Variants in GRM1 observed in about 807,000 individuals in gnomAD.
GRM1 encodes metabotropic glutamate receptor 1.
A neutral mutation model predicts 90.9 loss-of-function variants in GRM1; 33 were observed. The observed-to-expected ratio is 0.36, with a 90% CI of 0.28 to 0.49. The LOEUF is 0.49. Ranked by LOEUF, GRM1 falls within the 20% of genes least tolerant of loss-of-function variation. The pLI is 0.99. For missense variants in GRM1, 1,190 were observed against 1,534.3 expected, an observed-to-expected ratio of 0.78 and a Z score of 3.75; for synonymous variants, 700 against 613.2, an observed-to-expected ratio of 1.14 and a Z score of -2.09.
intron 2 of GRM1, among the ~76,000 whole-genome samples, chr6:146,289,807 G>T (rs189613278): frequency 4.1e-4 from 62 of 152,208 alleles, no homozygotes; most frequent in African/African-American, 1.4e-3. Flanking sequence ...AGATTTATAT[G>T]CTGGTAACAA....
At chr6:146,280,123 G>A (rs1158827959) in intron 2 of GRM1, among the ~76,000 whole-genome samples, 1 of 151,732 alleles carries the variant, frequency 6.6e-6, no homozygotes, top group Non-Finnish European at 1.5e-5. Flanking sequence ...CTTCAATTAT[G>A]TGCACATTTC....
At position 146,064,790 on chromosome 6, in the gene GRM1, C is replaced by CA. The variant is rs1243017242; in HGVS notation, c.700+34590dup. Among the ~76,000 whole-genome samples the CA allele has an allele frequency of 9.6e-3, 782 of 81,834 alleles. 4 individuals carry two copies. The highest frequency in any genetic ancestry group is 0.027 in the African/African-American group (589 of 21,894). The allele number at this position is 81,834 out of a possible 152,430, so 53.7% of individuals were successfully genotyped here. On this transcript the variant is annotated intron_variant, in intron 1 of 7. Transcript: ENST00000282753. Reference sequence around the variant, plus strand: ...TGGGTGACAGAGTGAGACTCAGTCTCAAAAAAAAAAAAAAAAATTTTGTTC... The same window carrying CA: ...TGGGTGACAGAGTGAGACTCAGTCTCAAAAAAAAAAAAAAAAAATTTTGTTC...
intron 2 of GRM1, among the ~76,000 whole-genome samples, chr6:146,259,276 G>T (rs1265664188): frequency 6.6e-6 from 1 of 151,994 alleles, no homozygotes. Context: ...TCCTCTCTCA[G>T]TGCTTATCAC....
chr6:146,350,719 C>G (rs1362309346), intron 3 of GRM1, among the ~76,000 whole-genome samples: 1 of 152,182 alleles, frequency 6.6e-6, no homozygotes, highest in African/African-American at 2.4e-5. Flanking sequence ...GAAGGAGGAT[C>G]TTTTCTTTCT....
At chr6:146,169,472 T>C (rs1778022824) in intron 2 of GRM1, among the ~76,000 whole-genome samples, 1 of 152,170 alleles carries the variant, frequency 6.6e-6, no homozygotes, top group Non-Finnish European at 1.5e-5. Flanking sequence ...AGTGAGTCTT[T>C]CTCCCGCCTT....
Position 146,399,183 on chromosome 6 carries a change from G to C in GRM1, c.2144G>C (p.Ser715Thr). Residue 715 changes from serine to threonine, a missense_variant, in exon 7 of 8, where the codon AGT becomes ACT. Physicochemically the swap from Ser to Thr is moderately conservative, Grantham distance 58 (BLOSUM62 1). Coordinates refer to ENST00000282753, the MANE Select transcript of GRM1 (RefSeq NM_001278064.2). This position sits in a 1 kb window ranked among gnomAD's most constrained non-coding sequence, Gnocchi z 5.4. Reference sequence around the variant, plus strand: ...GTGATCATTGCCTCAATTCTGATTAGTGTGCAACTAACCCTGGTGGTAACC... The same window carrying C: ...GTGATCATTGCCTCAATTCTGATTACTGTGCAACTAACCCTGGTGGTAACC... ...AQVIIASILISVQLTLVVTLI... is the reference protein window; with the variant it reads ...AQVIIASILITVQLTLVVTLI... 6.2e-7 allele frequency: 1 copy of C among 1,614,106 alleles called. No homozygotes were observed. Among genetic ancestry groups the C allele is most frequent in the Non-Finnish European group, 8.5e-7 (1 of 1,180,034 alleles).
chr6:146,287,608 G>T (rs567677484), intron 2 of GRM1, among the ~76,000 whole-genome samples: 43 of 152,250 alleles, frequency 2.8e-4, no homozygotes, highest in Non-Finnish European at 2.2e-4. Context: ...AACAGGATGT[G>T]CCAGTCCCTT....
intron 2 of GRM1, among the ~76,000 whole-genome samples, chr6:146,207,454 G>A (rs1260212057): frequency 6.6e-6 from 1 of 151,978 alleles, no homozygotes; most frequent in Non-Finnish European, 1.5e-5. Context: ...TTTTTCTCTT[G>A]TAAATTTGTT....
intron 1 of GRM1, among the ~76,000 whole-genome samples, chr6:146,059,622 T>A (rs560898593): frequency 6.6e-6 from 1 of 152,262 alleles, no homozygotes; most frequent in African/African-American, 2.4e-5. Flanking sequence ...CATCGACTTC[T>A]CCTTTCTAGC....
chr6:146,378,297 A>C (rs941850092), intron 5 of GRM1, among the ~76,000 whole-genome samples: 1 of 152,126 alleles, frequency 6.6e-6, no homozygotes, highest in Non-Finnish European at 1.5e-5. Context: ...AGAATGATAG[A>C]TCTATTCCAC....
intron 3 of GRM1, among the ~76,000 whole-genome samples, chr6:146,316,954 C>T (rs1306247168): frequency 6.6e-6 from 1 of 152,068 alleles, no homozygotes; most frequent in East Asian, 1.9e-4. Context: ...ATGTAGTTTC[C>T]TTTTTAACTA....
At chr6:146,280,587 C>T (rs1782531102) in intron 2 of GRM1, among the ~76,000 whole-genome samples, 1 of 152,032 alleles carries the variant, frequency 6.6e-6, no homozygotes, top group African/African-American at 2.4e-5. Flanking sequence ...TGGATTGTAT[C>T]CCCTTTCTCT....
chr6:146,167,983 A>T, intron 2 of GRM1, among the ~76,000 whole-genome samples: 1 of 151,992 alleles, frequency 6.6e-6, no homozygotes, highest in East Asian at 1.9e-4. Context: ...CATTTTTCTA[A>T]AAGTTTTATA....
intron 7 of GRM1, among the ~76,000 whole-genome samples, chr6:146,417,654 G>A (rs533351936): frequency 4.7e-4 from 72 of 152,214 alleles, no homozygotes; most frequent in African/African-American, 1.7e-3. Context: ...CTAATATTGA[G>A]GTTAGTGCTA....
intron 1 of GRM1, among the ~76,000 whole-genome samples, chr6:146,133,252 G>A (rs1011289606): frequency 5.9e-5 from 9 of 152,312 alleles, no homozygotes; most frequent in East Asian, 1.9e-4. Flanking sequence ...CATTACAGCC[G>A]AATTTGTCTA....
intron 1 of GRM1, among the ~76,000 whole-genome samples, chr6:146,049,499 T>C (rs1791446821): frequency 6.6e-6 from 1 of 152,002 alleles, no homozygotes; most frequent in African/African-American, 2.4e-5. Context: ...CTGAGGGTTA[T>C]GCTATCATCA....
At chr6:146,397,378 G>A (rs1195446912) in intron 6 of GRM1, among the ~76,000 whole-genome samples, 1 of 150,438 alleles carries the variant, frequency 6.6e-6, no homozygotes, top group Non-Finnish European at 1.5e-5. Context: ...GGAGACTGAG[G>A]CAGGAGAATG....
chr6:146,146,144 C>T (rs571009130), intron 1 of GRM1, among the ~76,000 whole-genome samples: 38 of 47,522 alleles, frequency 8.0e-4, no homozygotes, highest in Admixed American at 5.9e-3. Flanking sequence ...TTTTTTGAGA[C>T]GTGGCGCCAT....
chr6:146,042,800 C>T (rs1039721711), intron 1 of GRM1, among the ~76,000 whole-genome samples: 1 of 151,976 alleles, frequency 6.6e-6, no homozygotes, highest in Admixed American at 6.6e-5. Context: ...GCTTTCATAG[C>T]AGTTAATTAA....
Sources: allele counts gnomAD v4.1 joint callset (sites outside exome capture counted in the v4.1 genomes callset), GRCh38; gene constraint gnomAD v4.1.1; non-coding constraint Gnocchi (gnomAD v3.1); transcripts MANE v1.5; gene names NCBI Gene and HGNC (gene_info 2026-07-23, HGNC 2026-07-21).